The following VPS13B variants were observed in gnomAD, a reference collection of about 807,000 sequenced individuals.
VPS13B encodes the protein intermembrane lipid transfer protein VPS13B.
VPS13B carries 285 observed loss-of-function variants against 426.4 expected under a neutral mutation model. That is an observed-to-expected ratio of 0.67 (90% CI 0.61 to 0.74). The LOEUF (loss-of-function observed/expected upper bound fraction) is 0.74, where lower values mean the gene tolerates loss of function less well. Among genes scored for constraint, VPS13B ranks in the 30% least tolerant of loss-of-function variants. VPS13B has a pLI of 0.00. For missense variants in VPS13B, 4,537 were observed against 4,782.6 expected (o/e 0.95, Z 1.51); for synonymous variants, 1,676 against 1,676.4 (o/e 1.00, Z 0.01).
chr8:99,779,535 CACTAAAAAGT>C (rs1172161277), intron 42 of VPS13B, among the ~76,000 whole-genome samples: 2 of 152,022 alleles, frequency 1.3e-5, no homozygotes, highest in Non-Finnish European at 2.9e-5. Context: ...CTTTTTGATT[CACTAAAAAGT>C]ACTAGATAAT....
chr8:99,541,278 A>C (rs1403342857), intron 30 of VPS13B, among the ~76,000 whole-genome samples: 2 of 152,188 alleles, frequency 1.3e-5, no homozygotes, highest in African/African-American at 2.4e-5. Flanking sequence ...TATGTGGCTA[A>C]AGCTTTTGAT....
chr8:99,356,618 G>A (rs1812196149), intron 19 of VPS13B, among the ~76,000 whole-genome samples: 1 of 152,206 alleles, frequency 6.6e-6, no homozygotes, highest in East Asian at 1.9e-4. Flanking sequence ...CTGCACTGCA[G>A]CCTCAGGGAC....
chr8:99,539,341 G>A (rs958466067), intron 30 of VPS13B, among the ~76,000 whole-genome samples: 5 of 152,232 alleles, frequency 3.3e-5, no homozygotes, highest in East Asian at 1.9e-4. Context: ...TAAGAATGAT[G>A]TATGATTATA....
intron 17 of VPS13B, among the ~76,000 whole-genome samples, chr8:99,207,655 T>TCAA (rs1814808629): frequency 6.6e-6 from 1 of 152,200 alleles, no homozygotes; most frequent in Non-Finnish European, 1.5e-5. Context: ...TAAAAATGTG[T>TCAA]CAATAAATTA....
At chr8:99,328,384 G>T (rs61199835) in intron 19 of VPS13B, among the ~76,000 whole-genome samples, 1 of 152,144 alleles carries the variant, frequency 6.6e-6, no homozygotes, top group South Asian at 2.1e-4. Flanking sequence ...AAAAAATTCT[G>T]TGGGAACTAT....
At chr8:99,304,452 AG>A (rs2133080663) in intron 19 of VPS13B, among the ~76,000 whole-genome samples, 1 of 152,212 alleles carries the variant, frequency 6.6e-6, no homozygotes, top group African/African-American at 2.4e-5. Context: ...AGTGGCTAAA[AG>A]GAATTGATAT....
intron 12 of VPS13B, among the ~76,000 whole-genome samples, chr8:99,137,232 G>T (rs772228579): frequency 6.7e-6 from 1 of 148,614 alleles, no homozygotes; most frequent in Non-Finnish European, 1.5e-5. Flanking sequence ...AATAAATGAC[G>T]TTTAAAACAT....
intron 20 of VPS13B, among the ~76,000 whole-genome samples, chr8:99,385,219 G>A (rs1006984973): frequency 6.6e-6 from 1 of 152,118 alleles, no homozygotes; most frequent in Non-Finnish European, 1.5e-5. Context: ...TGCTTATTGA[G>A]ATTCATTTAT....
rs866476165 is a variant in VPS13B at position 99,695,631 on chromosome 8, T to G, written c.6047-3894T>G. Among the ~76,000 whole-genome samples the G allele has an allele frequency of 3.7e-3, 519 of 140,688 alleles. 5 individuals carry two copies. The highest frequency in any genetic ancestry group is 0.012 in the African/African-American group (461 of 37,402). 92.3% of individuals were successfully genotyped at this position (140,688 alleles called of 152,430 possible). A position where few individuals can be genotyped will look rare whatever the true frequency, so the allele number is the denominator to read the frequency against. ...AGTTAGTGGGTGCAGCGCACCAGCA[T>G]GGCACATGTATACATATGTAACTAA... On this transcript the variant is annotated intron_variant, in intron 35 of 61. Coordinates refer to ENST00000357162, the MANE Select transcript of VPS13B (RefSeq NM_152564.5).
intron 39 of VPS13B, among the ~76,000 whole-genome samples, chr8:99,751,612 T>A (rs1810399278): frequency 6.6e-6 from 1 of 152,196 alleles, no homozygotes; most frequent in South Asian, 2.1e-4. Context: ...GAATATTTGA[T>A]AAATATATTA....
intron 33 of VPS13B, among the ~76,000 whole-genome samples, chr8:99,630,840 C>A (rs1213774484): frequency 6.6e-6 from 1 of 152,058 alleles, no homozygotes; most frequent in Non-Finnish European, 1.5e-5. Flanking sequence ...AACTAAGGAA[C>A]TCTTGCAAGT....
chr8:99,380,070 G>A (rs1243104139), intron 19 of VPS13B, among the ~76,000 whole-genome samples: 2 of 151,974 alleles, frequency 1.3e-5, no homozygotes, highest in Non-Finnish European at 2.9e-5. Flanking sequence ...ACTTTTTCGG[G>A]AGAATGAGTT....
intron 5 of VPS13B, among the ~76,000 whole-genome samples, chr8:99,106,285 A>T (rs1454214565): frequency 1.3e-5 from 2 of 151,886 alleles, no homozygotes; most frequent in Non-Finnish European, 2.9e-5. Flanking sequence ...TACAAAAAAA[A>T]TTAGCTGGGC....
chr8:99,381,943 A>G (rs1813835992), intron 19 of VPS13B, among the ~76,000 whole-genome samples: 1 of 152,096 alleles, frequency 6.6e-6, no homozygotes, highest in African/African-American at 2.4e-5. Flanking sequence ...ATTGTCTTCT[A>G]GGACTTTTAT....
chr8:99,745,205 A>T (rs1274641921), intron 39 of VPS13B, among the ~76,000 whole-genome samples: 1 of 152,104 alleles, frequency 6.6e-6, no homozygotes, highest in Non-Finnish European at 1.5e-5. Context: ...GTGATTTGTA[A>T]ACTGATCTTG....
chr8:99,855,102 G>T (rs1487767709), intron 56 of VPS13B, among the ~76,000 whole-genome samples: 1 of 152,194 alleles, frequency 6.6e-6, no homozygotes, highest in Non-Finnish European at 1.5e-5. Context: ...GATAGCAGGC[G>T]CAGTGGCTCA....
At chr8:99,746,162 T>C (rs1347555249) in intron 39 of VPS13B, among the ~76,000 whole-genome samples, 2 of 152,108 alleles carry the variant, frequency 1.3e-5, no homozygotes, top group Admixed American at 1.3e-4. Flanking sequence ...GTTTATCTAT[T>C]CCCCCATATC....
chr8:99,186,275 A>G (rs1288069207), intron 16 of VPS13B, among the ~76,000 whole-genome samples: 1 of 152,082 alleles, frequency 6.6e-6, no homozygotes, highest in Non-Finnish European at 1.5e-5. Flanking sequence ...ATATTGAACT[A>G]TTTTGTTTTA....
At chr8:99,025,001 T>C (rs760999907) in intron 2 of VPS13B, among the ~76,000 whole-genome samples, 4 of 152,186 alleles carry the variant, frequency 2.6e-5, no homozygotes, top group Admixed American at 1.3e-4. Context: ...TAGAGATCTT[T>C]TACCTCCTTG....
Sources: gnomAD v4.1 joint callset for allele counts (sites outside exome capture counted in the v4.1 genomes callset) on GRCh38, gnomAD v4.1.1 for gene constraint, MANE v1.5 for transcripts, NCBI Gene and HGNC (gene_info 2026-07-23, HGNC 2026-07-21) for gene names.